The following NCAM2 variants were observed in gnomAD, a reference collection of about 807,000 sequenced individuals.
NCAM2 encodes the protein neural cell adhesion molecule 2.
Under a neutral mutation model 98.1 loss-of-function variants are expected in NCAM2, and 30 were observed. The ratio of observed to expected loss-of-function variants is 0.31; its 90% CI spans 0.23 to 0.41. The LOEUF (loss-of-function observed/expected upper bound fraction) is 0.41. Among genes scored for constraint, NCAM2 ranks in the 10% least tolerant of loss-of-function variants. The pLI is 1.00. For synonymous variants in NCAM2, 368 were observed against 342.4 expected, an observed-to-expected ratio of 1.07 and a Z score of -0.83; for missense variants, 867 against 1,005.8, an observed-to-expected ratio of 0.86 and a Z score of 1.87.
intron 7 of NCAM2, among the ~76,000 whole-genome samples, chr21:21,337,721 G>A (rs889174692): frequency 1.3e-4 from 19 of 151,938 alleles, no homozygotes; most frequent in African/African-American, 4.3e-4. Context: ...TAGACATAAT[G>A]CTTTTCTTTT....
intron 9 of NCAM2, among the ~76,000 whole-genome samples, chr21:21,393,558 T>C (rs1038381721): frequency 1.3e-5 from 2 of 152,162 alleles, no homozygotes; most frequent in African/African-American, 4.8e-5. Flanking sequence ...AAAGATAATA[T>C]CTTAATAAAC....
chr21:21,177,301 T>G (rs1223944869), intron 1 of NCAM2, among the ~76,000 whole-genome samples: 1 of 152,108 alleles, frequency 6.6e-6, no homozygotes, highest in Non-Finnish European at 1.5e-5. Context: ...AACTACTTTC[T>G]AAATATGTAT....
intron 15 of NCAM2, among the ~76,000 whole-genome samples, chr21:21,486,412 C>A (rs233763): frequency 0.099 from 14,996 of 151,032 alleles, 2,453 homozygotes; most frequent in African/African-American, 0.34. Context: ...ATTTATAGGG[C>A]AAGTTTTGTT....
intron 1 of NCAM2, among the ~76,000 whole-genome samples, chr21:21,071,010 C>T (rs868559848): frequency 6.6e-6 from 1 of 152,018 alleles, no homozygotes; most frequent in African/African-American, 2.4e-5. Context: ...TTTGAGAGTA[C>T]GTTTCTAAAC....
intron 15 of NCAM2, among the ~76,000 whole-genome samples, chr21:21,490,452 G>A (rs941433465): frequency 1.1e-4 from 16 of 151,840 alleles, no homozygotes; most frequent in African/African-American, 3.9e-4. Context: ...AACTATGTAT[G>A]CTTAAGTTAA....
intron 5 of NCAM2, among the ~76,000 whole-genome samples, chr21:21,310,487 C>T (rs1383554211): frequency 6.6e-6 from 1 of 152,102 alleles, no homozygotes; most frequent in Non-Finnish European, 1.5e-5. Flanking sequence ...ACAGGCATTC[C>T]TTGAAGAAGA....
intron 15 of NCAM2, among the ~76,000 whole-genome samples, chr21:21,493,605 T>C (rs1191538795): frequency 6.6e-6 from 1 of 151,856 alleles, no homozygotes; most frequent in African/African-American, 2.4e-5. Context: ...TGTTGTACAT[T>C]TTATGGATTT....
intron 9 of NCAM2, among the ~76,000 whole-genome samples, chr21:21,403,998 G>T (rs1162143445): frequency 6.6e-6 from 1 of 151,434 alleles, no homozygotes; most frequent in Non-Finnish European, 1.5e-5. Flanking sequence ...TCATAATACT[G>T]TTAAAATTTA....
In NCAM2 at chr21:21,233,967, A is replaced by G. The variant is rs192012634; in HGVS notation, c.56-46611A>G. Among the ~76,000 whole-genome samples the G allele has an allele frequency of 6.6e-5, 10 of 151,860 alleles. No homozygotes were observed. In the East Asian group the frequency reaches 1.5e-3, roughly 23 times the overall value. ...GTCATGTGTGATGGAGAGTCCGTTT[A>G]TCAGTAGGTATATACAGTACTCTAT... On this transcript the variant is annotated intron_variant, in intron 1 of 17. Coordinates refer to ENST00000400546, the MANE Select transcript of NCAM2 (RefSeq NM_004540.5).
intron 1 of NCAM2, among the ~76,000 whole-genome samples, chr21:21,030,299 C>T (rs1234187002): frequency 6.6e-6 from 1 of 152,124 alleles, no homozygotes. Context: ...GACAAGGTAG[C>T]CTGATTTCAA....
At chr21:21,071,342 A>G (rs540062644) in intron 1 of NCAM2, among the ~76,000 whole-genome samples, 1 of 152,290 alleles carries the variant, frequency 6.6e-6, no homozygotes, top group Admixed American at 6.5e-5. Flanking sequence ...ACATTGGCGA[A>G]TTTTATGGGG....
chr21:21,030,463 AC>A (rs1346496871), intron 1 of NCAM2, among the ~76,000 whole-genome samples: 2 of 152,162 alleles, frequency 1.3e-5, no homozygotes, highest in African/African-American at 4.8e-5. Context: ...CATCTGAATG[AC>A]CTGCCTTTTT....
chr21:21,036,641 G>A (rs567506874), intron 1 of NCAM2, among the ~76,000 whole-genome samples: 1 of 151,650 alleles, frequency 6.6e-6, no homozygotes, highest in East Asian at 2.0e-4. Flanking sequence ...AGGTGTAGGA[G>A]TAAATGATTT....
chr21:21,310,564 C>T (rs977008148), intron 5 of NCAM2, among the ~76,000 whole-genome samples: 2 of 152,156 alleles, frequency 1.3e-5, no homozygotes, highest in Non-Finnish European at 2.9e-5. Flanking sequence ...ACTGACTTCT[C>T]CAGGAGGATG....
chr21:21,090,168 T>C (rs1354912619), intron 1 of NCAM2, among the ~76,000 whole-genome samples: 1 of 152,196 alleles, frequency 6.6e-6, no homozygotes, highest in East Asian at 1.9e-4. Context: ...ACAATCTTCC[T>C]AGTAATGTGT....
At chr21:21,426,307 T>C (rs1454409672) in intron 11 of NCAM2, among the ~76,000 whole-genome samples, 1 of 152,170 alleles carries the variant, frequency 6.6e-6, no homozygotes, top group Non-Finnish European at 1.5e-5. Flanking sequence ...ATAGAAGTCC[T>C]TGAGTTGTAA....
intron 1 of NCAM2, among the ~76,000 whole-genome samples, chr21:21,053,974 T>C (rs939499842): frequency 2.6e-5 from 4 of 151,588 alleles, no homozygotes; most frequent in African/African-American, 4.8e-5. Context: ...CATCTTTATA[T>C]AATTTGGTAT....
chr21:21,208,523 A>G (rs183679964), intron 1 of NCAM2, among the ~76,000 whole-genome samples: 4 of 152,250 alleles, frequency 2.6e-5, no homozygotes, highest in Admixed American at 6.5e-5. Context: ...TGGGTAAAAG[A>G]CAGCATCTTT....
At chr21:21,473,116 G>A (rs1309016727) in intron 14 of NCAM2, among the ~76,000 whole-genome samples, 1 of 151,200 alleles carries the variant, frequency 6.6e-6, no homozygotes, top group African/African-American at 2.4e-5. Flanking sequence ...ACAATGATGA[G>A]TACCTGTTTG....
Sources: allele counts gnomAD v4.1 joint callset (sites outside exome capture counted in the v4.1 genomes callset), GRCh38; gene constraint gnomAD v4.1.1; transcripts MANE v1.5; gene names NCBI Gene and HGNC (gene_info 2026-07-23, HGNC 2026-07-21).